Variants in THEMIS observed in about 807,000 individuals in gnomAD.
THEMIS encodes thymocyte selection associated.
Under a neutral mutation model 52.6 loss-of-function variants are expected in THEMIS, and 37 were observed. The ratio of observed to expected loss-of-function variants is 0.70; its 90% confidence interval spans 0.54 to 0.93. The LOEUF (loss-of-function observed/expected upper bound fraction) is 0.93. THEMIS is among the 40% of genes least tolerant of loss of function. The pLI is 0.00. For synonymous variants in THEMIS, 292 were observed against 272.7 expected (o/e 1.07, Z -0.70); for missense variants, 808 against 763.1 (o/e 1.06, Z -0.69).
Position 127,806,441 on chromosome 6 carries a change from G to GC in THEMIS, c.1758+6441dup, listed in dbSNP as rs911425855. Among the ~76,000 whole-genome samples, 14 of 152,106 alleles carry GC rather than the reference G, an allele frequency of 9.2e-5. No individual in the cohort carries two copies. In the East Asian group the frequency reaches 1.4e-3, roughly 15 times the overall value. ...GTATTAGCTAATGTTTTTCATCATT[G>GC]CCCCCAGGTGAGAACATTCTCAGTT... On this transcript the variant is annotated intron_variant, in intron 4 of 5. Transcript: ENST00000368248.
At chr6:127,844,890 G>A (rs150348302) in intron 2 of THEMIS, among the ~76,000 whole-genome samples, 4 of 151,932 alleles carry the variant, frequency 2.6e-5, no homozygotes, top group African/African-American at 7.2e-5. Flanking sequence ...TCTAAAAGCA[G>A]TATGTTTTGT....
At chr6:127,915,574 G>A (rs566233411) in intron 1 of THEMIS, among the ~76,000 whole-genome samples, 1 of 125,880 alleles carries the variant, frequency 7.9e-6, no homozygotes, top group Non-Finnish European at 1.7e-5. Context: ...GGGAGAGAGA[G>A]GGTCAGAGAG....
intron 2 of THEMIS, among the ~76,000 whole-genome samples, chr6:127,833,592 T>C (rs1778773291): frequency 6.6e-6 from 1 of 152,174 alleles, no homozygotes; most frequent in Admixed American, 6.6e-5. Flanking sequence ...AACATGTTTA[T>C]GGGTCTCACC....
chr6:127,861,936 T>C (rs1779817659), intron 1 of THEMIS, among the ~76,000 whole-genome samples: 1 of 152,118 alleles, frequency 6.6e-6, no homozygotes, highest in South Asian at 2.1e-4. Flanking sequence ...ATTTTATTTT[T>C]ATAACTCATT....
chr6:127,706,026 G>T (rs1773793063), downstream of THEMIS, among the ~76,000 whole-genome samples: 1 of 152,030 alleles, frequency 6.6e-6, no homozygotes, highest in African/African-American at 2.4e-5. Context: ...ATAAACCACT[G>T]AACGAGTATC....
intron 3 of THEMIS, among the ~76,000 whole-genome samples, chr6:127,823,866 G>T (rs1482629054): frequency 6.6e-6 from 1 of 152,092 alleles, no homozygotes; most frequent in East Asian, 1.9e-4. Context: ...AAGGTTCAAT[G>T]AATCTAAAAG....
rs1562273783 is a variant in THEMIS at position 127,813,173 on chromosome 6, G to A, written c.1468C>T (p.Leu490=). Reference sequence around the variant, plus strand: ...GGGTTGGCAAAGTCACTTATGAGTAGGTAAGAGTCTGTAATGTCCTCCTCC... The same window carrying A: ...GGGTTGGCAAAGTCACTTATGAGTAAGTAAGAGTCTGTAATGTCCTCCTCC... The part of the protein sequence containing the change: ...QLEEDITDSY[L]LISDFANPTE... Residue 490 remains leucine, a synonymous_variant, in exon 4 of 6, where the codon CTA becomes TTA. Transcript: ENST00000368248. 1.9e-6 allele frequency: 3 copies of A among 1,613,980 alleles called. No homozygotes were observed. In the East Asian group the frequency reaches 6.7e-5, roughly 36 times the overall value.
chr6:127,798,425 A>G (rs1437225209), intron 4 of THEMIS, among the ~76,000 whole-genome samples: 1 of 152,192 alleles, frequency 6.6e-6, no homozygotes, highest in Non-Finnish European at 1.5e-5. Flanking sequence ...ACATATGTAT[A>G]CATGTGCCAC....
At chr6:127,889,008 C>T (rs974173995) in intron 1 of THEMIS, among the ~76,000 whole-genome samples, 2 of 151,972 alleles carry the variant, frequency 1.3e-5, no homozygotes, top group African/African-American at 4.8e-5. Flanking sequence ...ATTAAGATAA[C>T]AACTTCAAAA....
chr6:127,836,482 C>A (rs974762645), intron 2 of THEMIS, among the ~76,000 whole-genome samples: 30 of 152,060 alleles, frequency 2.0e-4, no homozygotes, highest in African/African-American at 6.5e-4. Context: ...AAATCTGTTA[C>A]CCATGGTTAT....
At chr6:127,724,832 C>G (rs908434845) in intron 4 of THEMIS, among the ~76,000 whole-genome samples, 1 of 151,942 alleles carries the variant, frequency 6.6e-6, no homozygotes, top group Non-Finnish European at 1.5e-5. Flanking sequence ...AAAAAGTTAA[C>G]CAAGATGTCC....
At chr6:127,808,110 G>C (rs1346696172) in intron 4 of THEMIS, among the ~76,000 whole-genome samples, 1 of 152,138 alleles carries the variant, frequency 6.6e-6, no homozygotes, top group Non-Finnish European at 1.5e-5. Context: ...CAGCAAAGTG[G>C]ACACTTGGGC....
downstream of THEMIS, among the ~76,000 whole-genome samples, chr6:127,704,625 C>G (rs935128915): frequency 3.2e-4 from 49 of 152,318 alleles, no homozygotes; most frequent in African/African-American, 1.0e-3. Flanking sequence ...AAACTGCCCT[C>G]TTGAGCTAGT....
At chr6:127,799,380 C>T (rs1448411563) in intron 4 of THEMIS, among the ~76,000 whole-genome samples, 1 of 152,178 alleles carries the variant, frequency 6.6e-6, no homozygotes, top group East Asian at 1.9e-4. Context: ...GAAATAGAAT[C>T]TACAGGATTT....
intron 4 of THEMIS, among the ~76,000 whole-genome samples, chr6:127,728,622 C>A (rs927853524): frequency 3.9e-5 from 6 of 152,102 alleles, no homozygotes; most frequent in Non-Finnish European, 8.8e-5. Flanking sequence ...CAATGAGCAA[C>A]AACTATGCAA....
chr6:127,860,715 C>T (rs1473455856), intron 1 of THEMIS, among the ~76,000 whole-genome samples: 3 of 152,134 alleles, frequency 2.0e-5, no homozygotes, highest in East Asian at 1.9e-4. Flanking sequence ...TAAATAAGTA[C>T]TAGGACCAAA....
At chr6:127,823,786 A>G (rs1044869152) in intron 3 of THEMIS, among the ~76,000 whole-genome samples, 4 of 152,108 alleles carry the variant, frequency 2.6e-5, no homozygotes. Flanking sequence ...CTAAAATTAT[A>G]CCTTTTCAAT....
At chr6:127,818,928 G>A (rs1358423690) in intron 3 of THEMIS, among the ~76,000 whole-genome samples, 1 of 151,612 alleles carries the variant, frequency 6.6e-6, no homozygotes, top group Non-Finnish European at 1.5e-5. Context: ...GACCATCCTG[G>A]CTAACATGGT....
intron 5 of THEMIS, among the ~76,000 whole-genome samples, chr6:127,715,708 C>A (rs1039507277): frequency 2.5e-4 from 38 of 151,928 alleles, no homozygotes; most frequent in Non-Finnish European, 5.2e-4. Context: ...TTTTTTCTGA[C>A]CTGTTTAAAT....
Sources: gnomAD v4.1 joint callset for allele counts (sites outside exome capture counted in the v4.1 genomes callset) on GRCh38, gnomAD v4.1.1 for gene constraint, MANE v1.5 for transcripts, NCBI Gene and HGNC (gene_info 2026-07-23, HGNC 2026-07-21) for gene names.